MAP2K4: variants seen among roughly 807,000 people sequenced by gnomAD.
MAP2K4 encodes mitogen-activated protein kinase kinase 4, also known as dual specificity mitogen-activated protein kinase kinase 4.
In MAP2K4, 4 loss-of-function variants were observed where a neutral mutation model predicts 48.5. The ratio of observed to expected loss-of-function variants is 0.08; its 90% CI spans 0.04 to 0.19. MAP2K4 has a LOEUF of 0.19. MAP2K4 is among the 10% of genes least tolerant of loss of function. The pLI is 1.00. For synonymous variants in MAP2K4, 166 were observed against 173.1 expected (o/e 0.96, Z 0.32); for missense variants, 258 against 493.3 (o/e 0.52, Z 4.52).
chr17:12,080,009 G>T (rs1971137719), intron 2 of MAP2K4, among the ~76,000 whole-genome samples: 1 of 152,176 alleles, frequency 6.6e-6, no homozygotes, highest in African/African-American at 2.4e-5. Context: ...TTATCACTTA[G>T]TATGATTTGA....
intron 6 of MAP2K4, among the ~76,000 whole-genome samples, chr17:12,112,532 G>A (rs908272856): frequency 1.3e-5 from 2 of 150,194 alleles, no homozygotes; most frequent in African/African-American, 2.4e-5. Flanking sequence ...CAGCTGTTTC[G>A]GTCATGGTAA....
chr17:12,083,453 A>G (rs1971257027), intron 3 of MAP2K4, among the ~76,000 whole-genome samples: 1 of 152,232 alleles, frequency 6.6e-6, no homozygotes, highest in East Asian at 1.9e-4. Flanking sequence ...CATGAGACCT[A>G]CAAACTGGTT....
chr17:12,035,810 TAAA>T (rs952554555), intron 1 of MAP2K4, among the ~76,000 whole-genome samples: 4 of 152,152 alleles, frequency 2.6e-5, no homozygotes, highest in African/African-American at 9.7e-5. Context: ...CTATCACAAA[TAAA>T]AAAGATTTAT....
chr17:12,052,494 T>G lies in MAP2K4; in HGVS notation c.116-2395T>G, dbSNP rs28918105. On this transcript the variant is annotated intron_variant, in intron 1 of 10. Transcript: ENST00000353533. ...TTTAAGTTTTAACTGTTGTAATATA[T>G]TTTATTGTTTATCTGGTAAGGTTAG... Among the ~76,000 whole-genome samples the G allele has an allele frequency of 9.4e-4, 143 of 152,348 alleles. 1 individual carries two copies. The East Asian group carries it at 0.024, about 26-fold the overall frequency.
At chr17:12,055,277 A>G (rs1970250094) in intron 2 of MAP2K4, among the ~76,000 whole-genome samples, 1 of 152,140 alleles carries the variant, frequency 6.6e-6, no homozygotes, top group Non-Finnish European at 1.5e-5. Context: ...TAGTAAATTG[A>G]AAGAGTTGTG....
rs980000346 is a variant in MAP2K4 at position 12,143,035 on chromosome 17, T to C, written c.*1775T>C. The C allele has an allele frequency of 8.6e-6, 2 of 232,916 alleles. No homozygotes were observed. Among genetic ancestry groups the C allele is most frequent in the Non-Finnish European group, 1.7e-5 (2 of 117,882 alleles). 14.4% of individuals were successfully genotyped at this position (232,916 alleles called of 1,614,324 possible). ...CCCTGTAAATTGCAGAATTCAAAAG[T>C]GATTATCTCTTTGATCTACTTGCCT... is the stretch of plus-strand genomic sequence containing the variant. On this transcript the variant is annotated 3_prime_UTR_variant, in exon 11 of 11. Coordinates refer to ENST00000353533, the MANE Select transcript of MAP2K4 (RefSeq NM_003010.4).
intron 4 of MAP2K4, among the ~76,000 whole-genome samples, chr17:12,101,565 C>A (rs1971937113): frequency 1.3e-5 from 2 of 152,004 alleles, no homozygotes; most frequent in South Asian, 2.1e-4. Context: ...AACAAAAAAA[C>A]AACCTGCTGA....
At position 12,117,276 on chromosome 17, in the gene MAP2K4, G is replaced by A. The variant is rs140221473; in HGVS notation, c.813+3916G>A. 2.2e-3 allele frequency among the ~76,000 whole-genome samples: 329 copies of A among 152,052 alleles called. 1 individual carries two copies. The highest frequency in any genetic ancestry group is 7.5e-3 in the African/African-American group (310 of 41,470). Reference sequence around the variant, plus strand: ...AGCATCCCCATTCCAAAAATGCAAAGCCCGAAATGCTCCCAAATATGAAAC... The same window carrying A: ...AGCATCCCCATTCCAAAAATGCAAAACCCGAAATGCTCCCAAATATGAAAC... On this transcript the variant is annotated intron_variant, in intron 7 of 10. Transcript: ENST00000353533.
chr17:12,098,843 A>G (rs1971841772), intron 4 of MAP2K4, among the ~76,000 whole-genome samples: 1 of 152,182 alleles, frequency 6.6e-6, no homozygotes, highest in Admixed American at 6.5e-5. Flanking sequence ...CCATCCATCA[A>G]GGAGCTTATG....
intron 1 of MAP2K4, among the ~76,000 whole-genome samples, chr17:12,042,185 A>AAAG (rs1450900368): frequency 1.3e-5 from 2 of 151,278 alleles, no homozygotes; most frequent in Non-Finnish European, 3.0e-5. Flanking sequence ...AAAAAAAAAA[A>AAAG]AAAAAGGTAC....
At position 12,051,908 on chromosome 17, in the gene MAP2K4, G is replaced by A. The variant is rs540717015; in HGVS notation, c.116-2981G>A. Among the ~76,000 whole-genome samples the A allele has an allele frequency of 1.8e-4, 28 of 151,816 alleles. No homozygotes were observed. The South Asian group carries it at 5.2e-3, about 28-fold the overall frequency. On this transcript the variant is annotated intron_variant, in intron 1 of 10. Transcript: ENST00000353533. ...TACTTAGAGAAAGTGAATGGGAGAG[G>A]AGAAGATGCCTTTTTTTAAAAAAAA...
intron 6 of MAP2K4, among the ~76,000 whole-genome samples, chr17:12,111,756 C>G (rs1972312752): frequency 6.6e-6 from 1 of 152,068 alleles, no homozygotes; most frequent in Non-Finnish European, 1.5e-5. Flanking sequence ...AATAGAAAAT[C>G]CTGATAACTC....
intron 1 of MAP2K4, chr17:12,021,445 C>T (rs961521531): frequency 6.6e-6 from 1 of 151,936 alleles, no homozygotes; most frequent in African/African-American, 2.4e-5. Flanking sequence ...AAGACAGCGG[C>T]CCCGGCCGGC....
intron 9 of MAP2K4, among the ~76,000 whole-genome samples, chr17:12,133,551 A>G (rs2151593860): frequency 6.6e-6 from 1 of 152,312 alleles, no homozygotes; most frequent in Admixed American, 6.5e-5. Context: ...CTCAGATCTC[A>G]GCCCATATTT....
At chr17:12,117,240 T>C (rs1476907761) in intron 7 of MAP2K4, among the ~76,000 whole-genome samples, 1 of 152,064 alleles carries the variant, frequency 6.6e-6, no homozygotes, top group Non-Finnish European at 1.5e-5. Flanking sequence ...CAAACAAGAA[T>C]GTCATCTTTG....
chr17:12,039,146 C>G (rs888983923), intron 1 of MAP2K4, among the ~76,000 whole-genome samples: 15 of 152,146 alleles, frequency 9.9e-5, no homozygotes, highest in African/African-American at 2.7e-4. Flanking sequence ...TAGACAGATA[C>G]AAGGAATAAA....
chr17:12,029,572 A>G (rs967438752), intron 1 of MAP2K4, among the ~76,000 whole-genome samples: 4 of 152,180 alleles, frequency 2.6e-5, no homozygotes, highest in Non-Finnish European at 4.4e-5. Context: ...CGGATTATCT[A>G]GTACCTCCAG....
chr17:12,034,260 G>A (rs1051427494), intron 1 of MAP2K4, among the ~76,000 whole-genome samples: 1 of 152,220 alleles, frequency 6.6e-6, no homozygotes, highest in African/African-American at 2.4e-5. Context: ...AAATGGCTCT[G>A]TTTTTGTCAT....
intron 1 of MAP2K4, among the ~76,000 whole-genome samples, chr17:12,027,844 C>G (rs369551440): frequency 2.4e-4 from 37 of 151,986 alleles, no homozygotes; most frequent in African/African-American, 8.5e-4. Flanking sequence ...TTTTAATTCT[C>G]TCAAGGTGAC....
Sources: allele counts gnomAD v4.1 joint callset (sites outside exome capture counted in the v4.1 genomes callset), GRCh38; gene constraint gnomAD v4.1.1; transcripts MANE v1.5; gene names NCBI Gene and HGNC (gene_info 2026-07-23, HGNC 2026-07-21).